Variants in NR4A3 observed in about 807,000 individuals in gnomAD.
NR4A3 encodes chondrosarcoma, extraskeletal myxoid, fused to EWS.
A neutral mutation model predicts 55.6 loss-of-function variants in NR4A3; 13 were observed. That is an observed-to-expected ratio of 0.23 (90% CI 0.15 to 0.37). The LOEUF is 0.37. NR4A3 is among the 10% of genes least tolerant of loss of function. The pLI is 1.00. For synonymous variants in NR4A3, 342 were observed against 357.9 expected (o/e 0.96, Z 0.50); for missense variants, 646 against 822.8 (o/e 0.79, Z 2.63).
chr9:99,853,068 A>G (rs139023261), intron 7 of NR4A3, among the ~76,000 whole-genome samples: 1 of 152,318 alleles, frequency 6.6e-6, no homozygotes, highest in East Asian at 1.9e-4. Flanking sequence ...CTGTCTTTGC[A>G]ATCTTGGACA....
intron 5 of NR4A3, among the ~76,000 whole-genome samples, chr9:99,836,429 G>C (rs971153776): frequency 2.0e-5 from 3 of 152,164 alleles, no homozygotes; most frequent in Middle Eastern, 3.2e-3. Flanking sequence ...TAGGAGTATG[G>C]GCAGACCCAA....
chr9:99,826,670 G>A (rs573463792), intron 2 of NR4A3: 3 of 983,452 alleles, frequency 3.1e-6, no homozygotes, highest in East Asian at 4.8e-5. Flanking sequence ...TATTTTTAAG[G>A]CCCTGCTTGT....
intron 3 of NR4A3, among the ~76,000 whole-genome samples, chr9:99,829,713 G>T (rs566148796): frequency 3.2e-4 from 48 of 151,872 alleles, no homozygotes; most frequent in Non-Finnish European, 5.9e-4. Context: ...TAGAACTTGG[G>T]GTCTTGTGTC....
chr9:99,859,068 A>G (rs527630367), intron 7 of NR4A3, among the ~76,000 whole-genome samples: 126 of 152,354 alleles, frequency 8.3e-4, no homozygotes, highest in Non-Finnish European at 1.4e-3. Context: ...TATGTTACAT[A>G]TCAAAGTTTT....
chr9:99,855,557 T>C (rs889936200), intron 7 of NR4A3, among the ~76,000 whole-genome samples: 11 of 152,284 alleles, frequency 7.2e-5, no homozygotes, highest in African/African-American at 2.2e-4. Flanking sequence ...GACAGACACA[T>C]ACTCTACCAA....
At chr9:99,829,585 G>T (rs1268658136) in intron 3 of NR4A3, among the ~76,000 whole-genome samples, 2 of 152,168 alleles carry the variant, frequency 1.3e-5, no homozygotes, top group East Asian at 3.8e-4. Context: ...ATGGAGGCAG[G>T]ATGCCAACCC....
chr9:99,834,022 T>C, intron 5 of NR4A3: 3 of 1,104,638 alleles, frequency 2.7e-6, no homozygotes, highest in Non-Finnish European at 3.3e-6. Context: ...GGCTCTCTCC[T>C]GCCTACAGTG....
Position 99,847,529 on chromosome 9 carries a change from C to A in NR4A3, c.1547C>A (p.Ser516Tyr), listed in dbSNP as rs770197528. The A allele has an allele frequency of 8.7e-6, 14 of 1,613,996 alleles. No homozygotes were observed. In the Admixed American group the frequency reaches 1.5e-4, roughly 17 times the overall value. ...CGTGGATTTGGGGAGTGGCTCGACTCTATTAAAGACTTTTCCTTAAATTTG... is the reference window on the plus strand; with the variant it reads ...CGTGGATTTGGGGAGTGGCTCGACTATATTAAAGACTTTTCCTTAAATTTG... ...CLRGFGEWLD[S>Y]IKDFSLNLQS... The change falls in exon 7 of 8, where the codon TCT becomes TAT. Residue 516 changes from serine to tyrosine, a missense_variant. Ser to Tyr is a moderately radical substitution (Grantham distance 144, BLOSUM62 -2). This residue lies in a region of NR4A3 where 163 missense variants were observed against 233.0 expected (regional missense o/e 0.70). Coordinates refer to ENST00000395097, the MANE Select transcript of NR4A3 (RefSeq NM_006981.4).
Position 99,832,735 on chromosome 9 carries a change from A to C in NR4A3, c.998A>C (p.Asn333Thr), listed in dbSNP as rs1357574543. 2 of 1,609,794 alleles carry C rather than the reference A, an allele frequency of 1.2e-6. No homozygotes were observed. The highest frequency in any genetic ancestry group is 2.2e-5 in the South Asian group (2 of 90,694). Reference sequence around the variant, plus strand: ...AAATATGTTTGCCTGGCAAATAAAAACTGCCCAGTAGACAAGAGACGTCGA... The same window carrying C: ...AAATATGTTTGCCTGGCAAATAAAACCTGCCCAGTAGACAAGAGACGTCGA... ...NAKYVCLANK[N>T]CPVDKRRRNR... Residue 333 changes from asparagine (N) to threonine (T), a missense_variant, in exon 4 of 8, where the codon AAC becomes ACC. This residue lies in a region of NR4A3 where 44 missense variants were observed against 119.3 expected (regional missense o/e 0.37). Transcript: ENST00000395097.
At chr9:99,824,387 G>A (rs1827252143) in intron 1 of NR4A3, among the ~76,000 whole-genome samples, 1 of 152,244 alleles carries the variant, frequency 6.6e-6, no homozygotes, top group Non-Finnish European at 1.5e-5. Flanking sequence ...GCGGGTGGGG[G>A]ATTGCTGGAG....
chr9:99,827,163 A>T (rs1827311279), intron 2 of NR4A3, among the ~76,000 whole-genome samples: 2 of 152,210 alleles, frequency 1.3e-5, no homozygotes, highest in Admixed American at 1.3e-4. Flanking sequence ...TGTCATAAGG[A>T]AATACCTATA....
intron 7 of NR4A3, among the ~76,000 whole-genome samples, chr9:99,849,573 G>C (rs1266697189): frequency 6.6e-6 from 1 of 152,164 alleles, no homozygotes; most frequent in Non-Finnish European, 1.5e-5. Flanking sequence ...AAGCTCTTTA[G>C]TTCAATTTCA....
chr9:99,856,457 T>A (rs1427760194), intron 7 of NR4A3, among the ~76,000 whole-genome samples: 1 of 152,114 alleles, frequency 6.6e-6, no homozygotes, highest in Non-Finnish European at 1.5e-5. Context: ...AAGCTTCACT[T>A]GCTTGCCTGC....
At chr9:99,832,881 AG>A (rs1827474404) in intron 4 of NR4A3, 63 bp downstream of exon 4, 1 of 1,376,298 alleles carries the variant, frequency 7.3e-7, no homozygotes, top group East Asian at 2.5e-5. Flanking sequence ...AGTGAAAAAA[AG>A]CTAATATTTA....
chr9:99,862,095 A>G (rs550468981), intron 7 of NR4A3, among the ~76,000 whole-genome samples: 1 of 146,382 alleles, frequency 6.8e-6, no homozygotes, highest in South Asian at 2.1e-4. Context: ...CCATGACTCA[A>G]AAAAAAAAAA....
Position 99,832,677 on chromosome 9 carries a change from A to G in NR4A3, c.952-12A>G, listed in dbSNP as rs974650436. Reference sequence around the variant, plus strand: ...AACTATCAGTTGACTATCTTGTATTATATTTTCTCAGAGAACAGTGCAGAA... The same window carrying G: ...AACTATCAGTTGACTATCTTGTATTGTATTTTCTCAGAGAACAGTGCAGAA... On this transcript the variant is annotated splice_polypyrimidine_tract_variant and intron_variant, in intron 3 of 7. Transcript: ENST00000395097. The G allele has an allele frequency of 1.3e-6, 2 of 1,576,728 alleles. No homozygotes were observed. The highest frequency in any genetic ancestry group is 1.7e-6 in the Non-Finnish European group (2 of 1,155,492).
At chr9:99,824,341 G>A (rs1168764493) in intron 1 of NR4A3, among the ~76,000 whole-genome samples, 1 of 152,224 alleles carries the variant, frequency 6.6e-6, no homozygotes, top group Admixed American at 6.5e-5. Context: ...GGCCCTCAGG[G>A]AATGCGGGAC....
At chr9:99,834,137 G>A (rs1207851724) in intron 5 of NR4A3, 1 of 758,008 alleles carries the variant, frequency 1.3e-6, no homozygotes, top group East Asian at 7.2e-5. Context: ...GATTGGTGTT[G>A]TTATAGTTAA....
chr9:99,837,758 T>C (rs912668706), intron 5 of NR4A3, among the ~76,000 whole-genome samples: 3 of 152,188 alleles, frequency 2.0e-5, no homozygotes, highest in Admixed American at 2.0e-4. Context: ...AGCCCTACAA[T>C]TTATTAAAGA....
Sources: gnomAD v4.1 joint callset for allele counts (sites outside exome capture counted in the v4.1 genomes callset) on GRCh38, gnomAD v4.1.1 for gene constraint, gnomAD v4.1.1 regional missense constraint, MANE v1.5 for transcripts, NCBI Gene and HGNC (gene_info 2026-07-23, HGNC 2026-07-21) for gene names.